The following EYA1 variants were observed in gnomAD, a reference collection of about 807,000 sequenced individuals.
EYA1 encodes protein phosphatase EYA1.
A neutral mutation model predicts 82.0 loss-of-function variants in EYA1; 16 were observed. The ratio of observed to expected loss-of-function variants is 0.20; its 90% CI spans 0.13 to 0.30. EYA1 has a LOEUF of 0.30. Ranked by LOEUF, EYA1 falls within the 10% of genes least tolerant of loss-of-function variation. The probability of loss-of-function intolerance (pLI) is 1.00; values close to 1 mark genes in which losing one functional copy is unlikely to be tolerated. For missense variants in EYA1, 633 were observed against 730.7 expected (o/e 0.87, Z 1.54); for synonymous variants, 261 against 264.4 (o/e 0.99, Z 0.12).
At chr8:71,307,469 C>T (rs1176970183) in intron 7 of EYA1, among the ~76,000 whole-genome samples, 1 of 152,022 alleles carries the variant, frequency 6.6e-6, no homozygotes, top group Admixed American at 6.6e-5. Context: ...CCACCACACT[C>T]GGCTGACTGG....
intron 2 of EYA1, among the ~76,000 whole-genome samples, chr8:71,512,209 A>C (rs965975309): frequency 6.6e-6 from 1 of 152,186 alleles, no homozygotes; most frequent in Non-Finnish European, 1.5e-5. Flanking sequence ...AATTTTTCAG[A>C]GTGGCTTCCT....
At chr8:71,393,126 C>T (rs956255906) in intron 2 of EYA1, among the ~76,000 whole-genome samples, 19 of 152,066 alleles carry the variant, frequency 1.2e-4, no homozygotes, top group African/African-American at 4.3e-4. Context: ...TCATTTTATA[C>T]ACTGGAAAGT....
intron 2 of EYA1, among the ~76,000 whole-genome samples, chr8:71,385,433 A>G (rs1828922442): frequency 6.6e-6 from 1 of 152,178 alleles, no homozygotes; most frequent in Admixed American, 6.6e-5. Flanking sequence ...ACAAAAAAAG[A>G]GTTAAGAAAA....
intron 9 of EYA1, among the ~76,000 whole-genome samples, chr8:71,296,428 CACA>C (rs1819599932): frequency 6.6e-6 from 1 of 150,772 alleles, no homozygotes; most frequent in African/African-American, 2.5e-5. Flanking sequence ...TCCATTGTGA[CACA>C]ACAATTCTAA....
intron 2 of EYA1, among the ~76,000 whole-genome samples, chr8:71,457,525 T>A (rs1808033636): frequency 6.6e-6 from 1 of 152,150 alleles, no homozygotes; most frequent in Non-Finnish European, 1.5e-5. Context: ...TGTCCATCAA[T>A]GACAGACTGG....
intron 2 of EYA1, among the ~76,000 whole-genome samples, chr8:71,463,444 C>A (rs1159518089): frequency 1.3e-5 from 2 of 152,200 alleles, no homozygotes; most frequent in East Asian, 3.8e-4. Context: ...CTGAAGAAAG[C>A]TTCATGTATC....
chr8:71,290,895 A>C (rs1362243379), intron 9 of EYA1, among the ~76,000 whole-genome samples: 1 of 152,214 alleles, frequency 6.6e-6, no homozygotes, highest in East Asian at 1.9e-4. Context: ...CTCACATCTT[A>C]ATAGCCTAGC....
At chr8:71,427,479 T>C (rs1805317278) in intron 2 of EYA1, among the ~76,000 whole-genome samples, 1 of 152,106 alleles carries the variant, frequency 6.6e-6, no homozygotes, top group Non-Finnish European at 1.5e-5. Context: ...CCATTCAGAG[T>C]AGCAGACCAT....
chr8:71,445,042 C>T (rs1005541153), intron 2 of EYA1, among the ~76,000 whole-genome samples: 2 of 152,142 alleles, frequency 1.3e-5, no homozygotes, highest in African/African-American at 4.8e-5. Flanking sequence ...AGATAATTTG[C>T]CCAATTTTTT....
intron 2 of EYA1, among the ~76,000 whole-genome samples, chr8:71,355,406 G>C (rs1254061112): frequency 6.6e-6 from 1 of 152,122 alleles, no homozygotes; most frequent in Middle Eastern, 3.4e-3. Flanking sequence ...TAATTTAATG[G>C]GTCTCCAAAC....
intron 4 of EYA1, among the ~76,000 whole-genome samples, chr8:71,330,172 C>T (rs1452508311): frequency 6.6e-6 from 1 of 152,136 alleles, no homozygotes; most frequent in East Asian, 1.9e-4. Context: ...ACCCGTAGAG[C>T]CGAATGGGAG....
At chr8:71,412,387 TATAAAATAAAATAAAATAAAAA>T (rs1391383720) in intron 2 of EYA1, among the ~76,000 whole-genome samples, 2 of 141,882 alleles carry the variant, frequency 1.4e-5, no homozygotes, top group Non-Finnish European at 3.1e-5. Flanking sequence ...AATAAAAAAA[TATAAAATAAAATAAAATAAAAA>T]ATAAAATAAA....
At chr8:71,471,334 T>C (rs1485514708) in intron 2 of EYA1, among the ~76,000 whole-genome samples, 1 of 152,062 alleles carries the variant, frequency 6.6e-6, no homozygotes, top group Non-Finnish European at 1.5e-5. Context: ...TGTTATAAAT[T>C]CTATACAAAG....
rs917958865 is a variant in EYA1, at chr8:71,199,313, T to C, written c.*27A>G. ...GATCTGTCCCTGGTCACAGAGCAGC[T>C]GTGCGCTGTCAAAGTGCCGAGCGCT... On this transcript the variant is annotated 3_prime_UTR_variant, in exon 18 of 18. Coordinates refer to ENST00000340726, the MANE Select transcript of EYA1 (RefSeq NM_000503.6). 1 of 1,530,232 alleles carries C rather than the reference T, an allele frequency of 6.5e-7. No individual in the cohort carries two copies. The highest frequency in any genetic ancestry group is 1.7e-4 in the Middle Eastern group (1 of 5,856). 94.8% of individuals were successfully genotyped at this position (1,530,232 alleles called of 1,614,324 possible).
chr8:71,429,949 T>C (rs149215486), intron 2 of EYA1, among the ~76,000 whole-genome samples: 1,569 of 152,280 alleles, frequency 0.01, 19 homozygotes, highest in South Asian at 0.03. Context: ...TGAAAATTAG[T>C]TATGAAAGTA....
intron 2 of EYA1, among the ~76,000 whole-genome samples, chr8:71,456,657 G>A (rs1344992492): frequency 6.6e-6 from 1 of 152,044 alleles, no homozygotes; most frequent in African/African-American, 2.4e-5. Flanking sequence ...CAAGAAATGG[G>A]GAAAGGATTC....
chr8:71,507,304 G>A (rs1212217433), intron 2 of EYA1, among the ~76,000 whole-genome samples: 2 of 152,202 alleles, frequency 1.3e-5, no homozygotes, highest in Non-Finnish European at 2.9e-5. Context: ...TCCAGAGGCT[G>A]TGTTCTTAAC....
intron 2 of EYA1, among the ~76,000 whole-genome samples, chr8:71,427,029 G>C (rs1221433833): frequency 6.6e-6 from 1 of 152,222 alleles, no homozygotes; most frequent in Non-Finnish European, 1.5e-5. Context: ...GTAACAACTT[G>C]TGAGATATAG....
intron 2 of EYA1, among the ~76,000 whole-genome samples, chr8:71,467,463 G>A (rs1808864564): frequency 6.6e-6 from 1 of 152,124 alleles, no homozygotes; most frequent in South Asian, 2.1e-4. Flanking sequence ...AAAAAGAGAA[G>A]TTGTTGTTGT....
Sources: gnomAD v4.1 joint callset for allele counts (sites outside exome capture counted in the v4.1 genomes callset) on GRCh38, gnomAD v4.1.1 for gene constraint, MANE v1.5 for transcripts, NCBI Gene and HGNC (gene_info 2026-07-23, HGNC 2026-07-21) for gene names.